The following LRMDA variants were observed in gnomAD, a reference collection of about 807,000 sequenced individuals.
LRMDA encodes leucine rich melanocyte differentiation associated, also known as leucine-rich melanocyte differentiation-associated protein.
In LRMDA, 18 loss-of-function variants were observed where a neutral mutation model predicts 29.8. The observed-to-expected ratio is 0.60, with a 90% CI of 0.42 to 0.90. The LOEUF (loss-of-function observed/expected upper bound fraction) is 0.90, where lower values mean the gene tolerates loss of function less well. LRMDA is among the 40% of genes least tolerant of loss of function. The pLI, the probability that LRMDA is intolerant of heterozygous loss-of-function variation, is 0.00. For missense variants in LRMDA, 273 were observed against 273.9 expected, an observed-to-expected ratio of 1.00 and a Z score of 0.02; for synonymous variants, 125 against 109.4, an observed-to-expected ratio of 1.14 and a Z score of -0.89.
intron 2 of LRMDA, among the ~76,000 whole-genome samples, chr10:75,720,745 G>C (rs776618810): frequency 1.4e-4 from 22 of 152,206 alleles, no homozygotes; most frequent in Non-Finnish European, 2.5e-4. Context: ...TGGGTGACTA[G>C]AGTTGGCTCT....
At chr10:75,858,608 C>T (rs906076768) in intron 2 of LRMDA, among the ~76,000 whole-genome samples, 4 of 152,184 alleles carry the variant, frequency 2.6e-5, no homozygotes, top group African/African-American at 4.8e-5. Flanking sequence ...CCTTGCTCTA[C>T]ATTGTTTTTA....
intron 6 of LRMDA, among the ~76,000 whole-genome samples, chr10:76,495,382 G>A (rs1360758210): frequency 6.6e-6 from 1 of 151,490 alleles, no homozygotes; most frequent in Non-Finnish European, 1.5e-5. Context: ...TATCTATCTT[G>A]CCACCAATAC....
chr10:75,497,622 C>T (rs958388010), intron 2 of LRMDA, among the ~76,000 whole-genome samples: 5 of 151,952 alleles, frequency 3.3e-5, no homozygotes, highest in Admixed American at 6.6e-5. Flanking sequence ...GCTCCCTCCC[C>T]TCCATAGGCA....
chr10:75,970,761 C>T (rs1037000422), intron 2 of LRMDA, among the ~76,000 whole-genome samples: 5 of 152,186 alleles, frequency 3.3e-5, no homozygotes, highest in Admixed American at 6.5e-5. Flanking sequence ...ATCCTTTTTA[C>T]TGTGTCTTCT....
intron 5 of LRMDA, among the ~76,000 whole-genome samples, chr10:76,136,007 T>C (rs547859859): frequency 1.4e-3 from 217 of 152,322 alleles, no homozygotes; most frequent in Non-Finnish European, 2.7e-3. Context: ...GTTTAAGGCA[T>C]AGATTGTTAT....
At chr10:76,471,018 T>C (rs752152889) in intron 6 of LRMDA, among the ~76,000 whole-genome samples, 39 of 151,904 alleles carry the variant, frequency 2.6e-4, no homozygotes, top group Non-Finnish European at 1.2e-4. Context: ...TGGGCTTATA[T>C]GTAAATGTAA....
chr10:76,461,784 G>A (rs1056881079), intron 6 of LRMDA, among the ~76,000 whole-genome samples: 5 of 152,012 alleles, frequency 3.3e-5, no homozygotes, highest in Non-Finnish European at 7.4e-5. Context: ...TGTTAAGAAT[G>A]TGGACTCAGG....
intron 5 of LRMDA, among the ~76,000 whole-genome samples, chr10:76,232,232 T>G (rs1852071619): frequency 6.6e-6 from 1 of 152,204 alleles, no homozygotes; most frequent in Non-Finnish European, 1.5e-5. Context: ...ACATAATCAT[T>G]TACTGAGTGT....
intron 2 of LRMDA, among the ~76,000 whole-genome samples, chr10:75,744,077 CTGT>C (rs1308563855): frequency 6.6e-6 from 1 of 152,164 alleles, no homozygotes; most frequent in East Asian, 1.9e-4. Flanking sequence ...GAAACATTGG[CTGT>C]TGTGTGTTGG....
intron 2 of LRMDA, among the ~76,000 whole-genome samples, chr10:75,751,513 C>T (rs760527398): frequency 6.6e-6 from 1 of 152,114 alleles, no homozygotes; most frequent in Non-Finnish European, 1.5e-5. Flanking sequence ...GTTTTCTTGG[C>T]TGAGTTTCAG....
intron 2 of LRMDA, among the ~76,000 whole-genome samples, chr10:75,780,572 G>A (rs1843369266): frequency 6.6e-6 from 1 of 152,190 alleles, no homozygotes; most frequent in Non-Finnish European, 1.5e-5. Context: ...GCTATCCATA[G>A]TTGACATCAG....
intron 2 of LRMDA, among the ~76,000 whole-genome samples, chr10:76,021,118 G>A (rs1248212639): frequency 1.3e-5 from 2 of 152,196 alleles, no homozygotes; most frequent in Admixed American, 6.5e-5. Flanking sequence ...AAGATACCTG[G>A]GACAGTTGGA....
intron 2 of LRMDA, among the ~76,000 whole-genome samples, chr10:75,634,276 A>C (rs1281521086): frequency 6.6e-6 from 1 of 152,220 alleles, no homozygotes; most frequent in Non-Finnish European, 1.5e-5. Context: ...ATTTTGGAAG[A>C]TCTTGCCTAG....
At chr10:75,808,799 T>A (rs1363657326) in intron 2 of LRMDA, among the ~76,000 whole-genome samples, 1 of 152,156 alleles carries the variant, frequency 6.6e-6, no homozygotes, top group Non-Finnish European at 1.5e-5. Flanking sequence ...TGAGCCACTA[T>A]GCCTGGCCTG....
intron 6 of LRMDA, among the ~76,000 whole-genome samples, chr10:76,362,047 C>A (rs186222579): frequency 1.3e-5 from 2 of 152,306 alleles, no homozygotes; most frequent in Admixed American, 1.3e-4. Context: ...GAAGGACTCA[C>A]GAGTTCAGAG....
chr10:76,407,024 T>G (rs1299892160), intron 6 of LRMDA, among the ~76,000 whole-genome samples: 1 of 152,028 alleles, frequency 6.6e-6, no homozygotes, highest in African/African-American at 2.4e-5. Flanking sequence ...CACAAACATT[T>G]GTTGAATGCC....
chr10:75,589,882 G>C (rs1467264412), intron 2 of LRMDA, among the ~76,000 whole-genome samples: 1 of 151,884 alleles, frequency 6.6e-6, no homozygotes, highest in South Asian at 2.1e-4. Context: ...GTATGTAACT[G>C]GTCCTTTTTA....
chr10:76,359,921 A>C (rs1188523817), intron 6 of LRMDA, among the ~76,000 whole-genome samples: 1 of 152,142 alleles, frequency 6.6e-6, no homozygotes, highest in African/African-American at 2.4e-5. Flanking sequence ...TCATTCTTGA[A>C]TTAGTTATTA....
intron 2 of LRMDA, among the ~76,000 whole-genome samples, chr10:75,557,769 G>C (rs1304070698): frequency 6.6e-6 from 1 of 152,186 alleles, no homozygotes; most frequent in African/African-American, 2.4e-5. Context: ...AAGTGCCTCT[G>C]TTTTCGCTAA....
Sources: allele counts gnomAD v4.1 joint callset (sites outside exome capture counted in the v4.1 genomes callset), GRCh38; gene constraint gnomAD v4.1.1; transcripts MANE v1.5; gene names NCBI Gene and HGNC (gene_info 2026-07-23, HGNC 2026-07-21).